PINX1: variants seen among roughly 807,000 people sequenced by gnomAD.
The protein encoded by PINX1 is PIN2/TERF1-interacting telomerase inhibitor 1.
In PINX1, 34 loss-of-function variants were observed where a neutral mutation model predicts 25.4. The observed-to-expected ratio is 1.34, with a 90% CI of 1.02 to 1.78. The LOEUF (loss-of-function observed/expected upper bound fraction) is 1.78. PINX1 is among the 40% of genes most tolerant of loss of function. PINX1 has a pLI of 0.00. For missense variants in PINX1, 592 were observed against 404.9 expected (o/e 1.46, Z -3.97); for synonymous variants, 197 against 147.7 (o/e 1.33, Z -2.42).
chr8:10,777,573 T>G (rs1255479950), intron 6 of PINX1, among the ~76,000 whole-genome samples: 18 of 152,278 alleles, frequency 1.2e-4, no homozygotes, highest in Admixed American at 6.5e-4. Context: ...GCTTGGGGAC[T>G]GCAGGGAGTG....
chr8:10,820,357 A>ATT, intron 5 of PINX1, 88 bp from the exon 6 acceptor site: 1 of 902,624 alleles, frequency 1.1e-6, no homozygotes, highest in South Asian at 1.4e-5. Flanking sequence ...CTCAAAGGAA[A>ATT]ATGGCTTTTG....
At chr8:10,784,774 G>A (rs1801695359) in intron 6 of PINX1, among the ~76,000 whole-genome samples, 1 of 152,230 alleles carries the variant, frequency 6.6e-6, no homozygotes, top group African/African-American at 2.4e-5. Context: ...GGGGACAGAG[G>A]TGACTGAAGG....
chr8:10,769,812 C>T lies in PINX1; in HGVS notation c.472-3896G>A, dbSNP rs137987166. Among the ~76,000 whole-genome samples, 5 of 152,330 alleles carry T rather than the reference C, an allele frequency of 3.3e-5. No individual in the cohort carries two copies. In the East Asian group the frequency reaches 5.8e-4, roughly 18 times the overall value. ...TGCTCCCTGTACCACAGGACCCCGA[C>T]TCCTAGCTCCCACCTCATGGACTGC... On this transcript the variant is annotated intron_variant, in intron 6 of 6. Coordinates refer to ENST00000314787, the MANE Select transcript of PINX1 (RefSeq NM_017884.6).
intron 6 of PINX1, among the ~76,000 whole-genome samples, chr8:10,816,367 T>TA (rs1797697246): frequency 6.6e-6 from 1 of 152,176 alleles, no homozygotes; most frequent in South Asian, 2.1e-4. Flanking sequence ...TCATGACTAT[T>TA]AATCAAGGGC....
At chr8:10,799,132 A>G (rs1341127672) in intron 6 of PINX1, among the ~76,000 whole-genome samples, 4 of 148,468 alleles carry the variant, frequency 2.7e-5, no homozygotes, top group Non-Finnish European at 5.9e-5. Context: ...AAGGTTTTCT[A>G]GTTTGTCAAT....
At chr8:10,777,543 G>T (rs72549117) in intron 6 of PINX1, among the ~76,000 whole-genome samples, 2 of 152,200 alleles carry the variant, frequency 1.3e-5, no homozygotes, top group East Asian at 3.9e-4. Context: ...CTAGTTGAAG[G>T]GGGGTTGGGT....
At chr8:10,778,516 A>T (rs1234605155) in intron 6 of PINX1, among the ~76,000 whole-genome samples, 3 of 152,130 alleles carry the variant, frequency 2.0e-5, no homozygotes, top group African/African-American at 7.2e-5. Flanking sequence ...CTTACTTTCT[A>T]ACGGAGCACT....
intron 6 of PINX1, among the ~76,000 whole-genome samples, chr8:10,810,671 T>C (rs1057503235): frequency 2.6e-5 from 4 of 152,340 alleles, no homozygotes; most frequent in East Asian, 1.9e-4. Context: ...CTACCGAGCA[T>C]GTCAGCAGGT....
chr8:10,779,920 C>T lies in PINX1; in HGVS notation c.472-14004G>A, dbSNP rs758230117. 2.0e-5 allele frequency among the ~76,000 whole-genome samples: 3 copies of T among 152,238 alleles called. No homozygotes were observed. The East Asian group carries it at 5.8e-4, about 29-fold the overall frequency. ...AGGAATCAGGGAGAAAGGGACGACT[C>T]CAAGTGTGGGGCAGAAAATGTACAC... On this transcript the variant is annotated intron_variant, in intron 6 of 6. Transcript: ENST00000314787.
In PINX1 at chr8:10,832,935, A is replaced by C; in HGVS notation, c.179T>G (p.Val60Gly). The change falls in exon 3 of 7, where the codon GTG (valine) becomes GGG (glycine). Residue 60 changes from valine to glycine, a missense_variant. Coordinates refer to ENST00000314787, the MANE Select transcript of PINX1 (RefSeq NM_017884.6). ...QGATDHIKVQ[V>G]KNNHLGLGAT... ...TCCGAGTCCCAGGTGGTTATTTTTCACTTGAACTTTAATATGATCTGTGGC... is the reference window on the plus strand; with the variant it reads ...TCCGAGTCCCAGGTGGTTATTTTTCCCTTGAACTTTAATATGATCTGTGGC... 1 of 1,612,450 alleles carries C rather than the reference A, an allele frequency of 6.2e-7. No individual in the cohort carries two copies. Among genetic ancestry groups the C allele is most frequent in the South Asian group, 1.1e-5 (1 of 90,572 alleles).
At chr8:10,803,193 T>C (rs187253963) in intron 6 of PINX1, among the ~76,000 whole-genome samples, 21 of 152,368 alleles carry the variant, frequency 1.4e-4, no homozygotes, top group African/African-American at 5.0e-4. Flanking sequence ...CATTGCTTTG[T>C]TCTTTGCTGA....
chr8:10,837,972 T>A (rs968400443), intron 1 of PINX1, among the ~76,000 whole-genome samples: 2 of 152,184 alleles, frequency 1.3e-5, no homozygotes, highest in African/African-American at 4.8e-5. Context: ...TTATAACATA[T>A]AAGTGAGCCT....
At chr8:10,833,881 G>T (rs1034281121) in intron 2 of PINX1, 1 of 155,478 alleles carries the variant, frequency 6.4e-6, no homozygotes, top group African/African-American at 2.4e-5. Context: ...GGGAAAACCT[G>T]GGAAAAATAT....
intron 6 of PINX1, among the ~76,000 whole-genome samples, chr8:10,774,737 C>T (rs1801335710): frequency 6.6e-6 from 1 of 152,172 alleles, no homozygotes; most frequent in African/African-American, 2.4e-5. Flanking sequence ...TCTTTCAATT[C>T]TTATAAACTA....
chr8:10,785,439 G>C (rs1267110246), intron 6 of PINX1, among the ~76,000 whole-genome samples: 2 of 152,162 alleles, frequency 1.3e-5, no homozygotes, highest in Non-Finnish European at 2.9e-5. Context: ...ATTATAAACA[G>C]TTTGAATTAC....
At chr8:10,823,999 G>A (rs557330273) in intron 5 of PINX1, among the ~76,000 whole-genome samples, 1 of 152,172 alleles carries the variant, frequency 6.6e-6, no homozygotes, top group African/African-American at 2.4e-5. Context: ...GTTGCAATAT[G>A]AATCATCCTC....
intron 6 of PINX1, among the ~76,000 whole-genome samples, chr8:10,775,928 G>A (rs555183861): frequency 2.9e-5 from 4 of 139,680 alleles, no homozygotes; most frequent in Non-Finnish European, 5.9e-5. Flanking sequence ...TGGCTGCAGC[G>A]GGGTGGGGGC....
At chr8:10,816,194 C>G (rs1797691322) in intron 6 of PINX1, among the ~76,000 whole-genome samples, 1 of 152,180 alleles carries the variant, frequency 6.6e-6, no homozygotes, top group Admixed American at 6.5e-5. Context: ...GGGCACAGAG[C>G]TGTATGAGCA....
At chr8:10,814,282 G>A (rs745372684) in intron 6 of PINX1, among the ~76,000 whole-genome samples, 5 of 152,210 alleles carry the variant, frequency 3.3e-5, no homozygotes, top group African/African-American at 7.2e-5. Context: ...GAAGTTTTCT[G>A]AGCAACTGGC....
Sources: gnomAD v4.1 joint callset for allele counts (sites outside exome capture counted in the v4.1 genomes callset) on GRCh38, gnomAD v4.1.1 for gene constraint, MANE v1.5 for transcripts, NCBI Gene and HGNC (gene_info 2026-07-23, HGNC 2026-07-21) for gene names.